Variants in KCNQ1 observed in about 807,000 individuals in gnomAD.
The protein encoded by KCNQ1 is potassium voltage-gated channel subfamily KQT member 1.
KCNQ1 carries 49 observed loss-of-function variants against 72.4 expected under a neutral mutation model. That is an observed-to-expected ratio of 0.68 (90% CI 0.54 to 0.86). KCNQ1 has a LOEUF of 0.86. Ranked by LOEUF, KCNQ1 falls within the 40% of genes least tolerant of loss-of-function variation. The probability of loss-of-function intolerance (pLI) is 0.00; values close to 1 mark genes in which losing one functional copy is unlikely to be tolerated. For missense variants in KCNQ1, 790 were observed against 945.1 expected, an observed-to-expected ratio of 0.84 and a Z score of 2.15; for synonymous variants, 450 against 412.6, an observed-to-expected ratio of 1.09 and a Z score of -1.10.
chr11:2,644,952 G>C (rs540371489), intron 10 of KCNQ1: 3 of 398,524 alleles, frequency 7.5e-6, no homozygotes, highest in African/African-American at 6.2e-5. Context: ...GGCTGGCCCC[G>C]AATGCTTATC....
chr11:2,614,513 ACT>A (rs1333576494), intron 10 of KCNQ1: 6 of 398,308 alleles, frequency 1.5e-5, no homozygotes, highest in Non-Finnish European at 8.8e-6. Flanking sequence ...TATGCCTTTA[ACT>A]CTTATTTTTT....
chr11:2,679,418 T>C lies in KCNQ1; in HGVS notation c.1514+17337T>C. On this transcript the variant is annotated intron_variant, in intron 11 of 15. Transcript: ENST00000155840. The surrounding 1 kb of genome is among the most constrained non-coding windows in gnomAD (Gnocchi z 4.8). The stretch of plus-strand genomic sequence containing the variant: ...GTAAAATGGGAATCATAAGAGTACC[T>C]TCCTCAGAGGGTTGTTAGGAGGATT... The C allele has an allele frequency of 2.5e-6, 1 of 398,658 alleles. No individual in the cohort carries two copies. 24.7% of individuals were successfully genotyped at this position (398,658 alleles called of 1,614,324 possible). A position where few individuals can be genotyped will look rare whatever the true frequency, so the allele number is the denominator to read the frequency against.
At chr11:2,587,951 G>A (rs1265584229) in intron 9 of KCNQ1, among the ~76,000 whole-genome samples, 1 of 152,178 alleles carries the variant, frequency 6.6e-6, no homozygotes, top group Non-Finnish European at 1.5e-5. Context: ...AGCTCTGGGA[G>A]CAGGACGGGC....
chr11:2,686,484 C>T (rs1850492082), intron 11 of KCNQ1: 2 of 398,706 alleles, frequency 5.0e-6, no homozygotes, highest in Non-Finnish European at 8.8e-6. Context: ...AACAGATACC[C>T]CCACCCTCAC....
chr11:2,632,099 C>T lies in KCNQ1; in HGVS notation c.1394-29862C>T, dbSNP rs141491124. The stretch of plus-strand genomic sequence containing the variant: ...TTGGGAGGCTGAAGCAGGAGAATGG[C>T]GTGAACTCGGGAGGCAGAGCTTGCA... On this transcript the variant is annotated intron_variant, in intron 10 of 15. Transcript: ENST00000155840. 2.4e-3 allele frequency: 950 copies of T among 388,828 alleles called. 4 individuals are homozygous for T. The highest frequency in any genetic ancestry group is 0.018 in the African/African-American group (845 of 46,716). 24.1% of individuals were successfully genotyped at this position (388,828 alleles called of 1,614,324 possible).
rs776905831 is a variant in KCNQ1, at chr11:2,565,606, G to A, written c.478-5022G>A. On this transcript the variant is annotated intron_variant, in intron 2 of 15. Transcript: ENST00000155840. The surrounding 1 kb of genome is among the most constrained non-coding windows in gnomAD (Gnocchi z 5.6). ...GAGCTGAGGGTGCAGTGTGGGATGGGCTGACTTGTGGCCAGGGGAAAGACC... is the reference window on the plus strand; with the variant it reads ...GAGCTGAGGGTGCAGTGTGGGATGGACTGACTTGTGGCCAGGGGAAAGACC... 6.6e-6 allele frequency among the ~76,000 whole-genome samples: 1 copy of A among 152,188 alleles called. No homozygotes were observed. Among genetic ancestry groups the A allele is most frequent in the Non-Finnish European group, 1.5e-5 (1 of 68,042 alleles).
chr11:2,462,082 T>C lies in KCNQ1; in HGVS notation c.386+16598T>C, dbSNP rs1438743495. On this transcript the variant is annotated intron_variant, in intron 1 of 15. Coordinates refer to ENST00000155840, the MANE Select transcript of KCNQ1 (RefSeq NM_000218.3). The surrounding 1 kb of genome is among the most constrained non-coding windows in gnomAD (Gnocchi z 8.2). ...AGAGATGAGACCCAGCCCCACTGTG[T>C]CTTTCTGGGATTCACAAGAATCCTT... The C allele has an allele frequency of 3.4e-6, 1 of 293,252 alleles. No homozygotes were observed. The highest frequency in any genetic ancestry group is 6.8e-6 in the Non-Finnish European group (1 of 146,530). The allele number at this position is 293,252 out of a possible 1,614,324, so 18.2% of individuals were successfully genotyped here. A position where few individuals can be genotyped will look rare whatever the true frequency, so the allele number is the denominator to read the frequency against.
rs1848760645 is a variant in KCNQ1 at position 2,598,450 on chromosome 11, CATT to C, written c.1393+9600_1393+9602del. On this transcript the variant is annotated intron_variant, in intron 10 of 15. Transcript: ENST00000155840. The surrounding 1 kb of genome is among the most constrained non-coding windows in gnomAD (Gnocchi z 6.2). ...TTGTCTCCAAGTATGAAAATAACAT[CATT>C]ATTTTTGTAAATGCTCCACAGACCT... 6.6e-6 allele frequency among the ~76,000 whole-genome samples: 1 copy of C among 152,064 alleles called. No individual in the cohort carries two copies. The highest frequency in any genetic ancestry group is 2.4e-5 in the African/African-American group (1 of 41,382).
At chr11:2,738,539 C>G (rs1317299354) in intron 11 of KCNQ1, among the ~76,000 whole-genome samples, 2 of 152,352 alleles carry the variant, frequency 1.3e-5, no homozygotes, top group Admixed American at 1.3e-4. Context: ...CCCCCACTCC[C>G]AGCCAGGCCT....
chr11:2,551,845 G>C (rs1847987680), intron 2 of KCNQ1, among the ~76,000 whole-genome samples: 1 of 152,236 alleles, frequency 6.6e-6, no homozygotes, highest in Non-Finnish European at 1.5e-5. Flanking sequence ...TTTCCCTAGT[G>C]ACGAATGGTG....
chr11:2,594,331 G>A (rs889945556), intron 10 of KCNQ1, among the ~76,000 whole-genome samples: 16 of 152,154 alleles, frequency 1.1e-4, no homozygotes, highest in Non-Finnish European at 2.2e-4. Flanking sequence ...CCTACCTCTA[G>A]TGACTTCAGA....
intron 1 of KCNQ1, among the ~76,000 whole-genome samples, chr11:2,454,067 G>T (rs1412401351): frequency 6.6e-6 from 1 of 152,026 alleles, no homozygotes; most frequent in Admixed American, 6.6e-5. Context: ...ACCACACCTG[G>T]CGTATCAGGA....
rs1311450934 is a variant in KCNQ1, at chr11:2,613,580, A to G, written c.1393+24726A>G. On this transcript the variant is annotated intron_variant, in intron 10 of 15. Transcript: ENST00000155840. The surrounding 1 kb of genome is among the most constrained non-coding windows in gnomAD (Gnocchi z 4.8). ...AGGAAGGCTTAATATTTTTTCTTTA[A>G]TTAGCACTTTTCAATTTTATATTTC... The G allele has an allele frequency of 3.0e-5, 12 of 398,396 alleles. No individual in the cohort carries two copies. The Admixed American group carries it at 4.8e-4, about 16-fold the overall frequency. 24.7% of individuals were successfully genotyped at this position (398,396 alleles called of 1,614,324 possible).
At chr11:2,694,123 C>T (rs1382505235) in intron 11 of KCNQ1, 7 of 398,534 alleles carry the variant, frequency 1.8e-5, no homozygotes, top group Non-Finnish European at 2.7e-5. Context: ...ACTGGAAGTG[C>T]TTGCCAAACA....
Position 2,538,112 on chromosome 11 carries a change from C to T in KCNQ1, c.477+10094C>T, listed in dbSNP as rs1418436701. Among the ~76,000 whole-genome samples the T allele has an allele frequency of 6.6e-6, 1 of 152,192 alleles. No individual in the cohort carries two copies. Among genetic ancestry groups the T allele is most frequent in the Admixed American group, 6.5e-5 (1 of 15,282 alleles). On this transcript the variant is annotated intron_variant, in intron 2 of 15. Transcript: ENST00000155840. This position sits in a 1 kb window ranked among gnomAD's most constrained non-coding sequence, Gnocchi z 6.7. ...CGTGTATATCCTCTGGAATGAGGAC[C>T]TTCAACTTAGCCAGGGTGTCCGACT...
intron 15 of KCNQ1, among the ~76,000 whole-genome samples, chr11:2,811,525 A>T (rs1037489061): frequency 6.6e-6 from 1 of 152,258 alleles, no homozygotes; most frequent in African/African-American, 2.4e-5. Flanking sequence ...GAGGGGACAG[A>T]AGGTGAACAC....
chr11:2,733,342 G>A (rs1236916087), intron 11 of KCNQ1, among the ~76,000 whole-genome samples: 3 of 151,858 alleles, frequency 2.0e-5, no homozygotes, highest in Admixed American at 2.0e-4. Context: ...CCCCACACTC[G>A]CCCTCCTTCA....
In KCNQ1 at chr11:2,626,123, G is replaced by A. The variant is rs557054332; in HGVS notation, c.1394-35838G>A. 2.8e-4 allele frequency: 111 copies of A among 398,456 alleles called. No homozygotes were observed. Among genetic ancestry groups the A allele is most frequent in the African/African-American group, 6.6e-4 (32 of 48,686 alleles). 24.7% of individuals were successfully genotyped at this position (398,456 alleles called of 1,614,324 possible). On this transcript the variant is annotated intron_variant, in intron 10 of 15. Coordinates refer to ENST00000155840, the MANE Select transcript of KCNQ1 (RefSeq NM_000218.3). The surrounding 1 kb of genome is among the most constrained non-coding windows in gnomAD (Gnocchi z 4.0). Reference sequence around the variant, plus strand: ...TTTTATTGCCTGTGCCTTTGGTGTCGCATACAAGAAGCACTGCCAATGATG... The same window carrying A: ...TTTTATTGCCTGTGCCTTTGGTGTCACATACAAGAAGCACTGCCAATGATG...
intron 10 of KCNQ1, chr11:2,649,136 G>A (rs1025585005): frequency 3.3e-5 from 13 of 397,798 alleles, no homozygotes; most frequent in Non-Finnish European, 4.9e-5. Flanking sequence ...TAGGCAGCAT[G>A]TAATTGGGTT....
Sources: gnomAD v4.1 joint callset for allele counts (sites outside exome capture counted in the v4.1 genomes callset) on GRCh38, gnomAD v4.1.1 for gene constraint, Gnocchi (gnomAD v3.1) non-coding constraint, MANE v1.5 for transcripts, NCBI Gene and HGNC (gene_info 2026-07-23, HGNC 2026-07-21) for gene names.